ZBTB20: variants seen among roughly 807,000 people sequenced by gnomAD.
ZBTB20 encodes the protein zinc finger and BTB domain-containing protein 20.
Under a neutral mutation model 56.9 loss-of-function variants are expected in ZBTB20, and 9 were observed. That is an observed-to-expected ratio of 0.16 (90% confidence interval 0.10 to 0.28). The LOEUF (loss-of-function observed/expected upper bound fraction) is 0.28. Among genes scored for constraint, ZBTB20 ranks in the 10% least tolerant of loss-of-function variants. The pLI, the probability that ZBTB20 is intolerant of heterozygous loss-of-function variation, is 1.00. For missense variants in ZBTB20, 655 were observed against 1,003.0 expected, an observed-to-expected ratio of 0.65 and a Z score of 4.69; for synonymous variants, 417 against 420.7, an observed-to-expected ratio of 0.99 and a Z score of 0.11.
intron 6 of ZBTB20, among the ~76,000 whole-genome samples, chr3:114,587,198 T>C (rs2055270192): frequency 6.6e-6 from 1 of 151,998 alleles, no homozygotes; most frequent in Non-Finnish European, 1.5e-5. Flanking sequence ...GGTTTCACCA[T>C]GTTGGACAGG....
At chr3:114,965,397 C>A (rs1368251521) in intron 3 of ZBTB20, among the ~76,000 whole-genome samples, 2 of 151,984 alleles carry the variant, frequency 1.3e-5, no homozygotes, top group African/African-American at 4.8e-5. Flanking sequence ...CAACTTATTC[C>A]TCCTGTCTAA....
chr3:114,942,580 T>TA (rs1289025116), intron 3 of ZBTB20, among the ~76,000 whole-genome samples: 1 of 145,636 alleles, frequency 6.9e-6, no homozygotes, highest in Admixed American at 6.6e-5. Flanking sequence ...TCTACTGTGA[T>TA]AGAGTAGCTT....
chr3:114,328,108 A>C lies in ZBTB20; in HGVS notation c.*10897T>G, dbSNP rs531874629. 6 of 152,272 alleles carry C rather than the reference A, an allele frequency of 3.9e-5. No individual in the cohort carries two copies. The South Asian group carries it at 1.2e-3, about 32-fold the overall frequency. The allele number at this position is 152,272 out of a possible 1,614,324, so 9.4% of individuals were successfully genotyped here. ...ATTTAGCTCTGTTATTATTTTATTT[A>C]AGTATATATTAAGTTTATGTTTAGG... On this transcript the variant is annotated 3_prime_UTR_variant, in exon 12 of 12. Transcript: ENST00000675478.
intron 7 of ZBTB20, among the ~76,000 whole-genome samples, chr3:114,419,884 C>T (rs988268658): frequency 5.9e-5 from 9 of 151,980 alleles, no homozygotes; most frequent in Admixed American, 1.3e-4. Context: ...ATAAATTGTT[C>T]GAAGCTGGTG....
chr3:115,098,547 T>C (rs2083463124), intron 1 of ZBTB20, among the ~76,000 whole-genome samples: 1 of 152,216 alleles, frequency 6.6e-6, no homozygotes, highest in African/African-American at 2.4e-5. Flanking sequence ...TGATTGAGCG[T>C]ACTTAGTATT....
chr3:114,596,710 G>A (rs1165304077), intron 6 of ZBTB20, among the ~76,000 whole-genome samples: 1 of 152,126 alleles, frequency 6.6e-6, no homozygotes, highest in Non-Finnish European at 1.5e-5. Context: ...TCATGAAACT[G>A]AGAGAGAGGA....
chr3:114,539,120 A>C (rs2048820483), intron 6 of ZBTB20, among the ~76,000 whole-genome samples: 1 of 152,124 alleles, frequency 6.6e-6, no homozygotes, highest in Admixed American at 6.6e-5. Flanking sequence ...TTTAGTGTAT[A>C]AGTGTCCAGG....
intron 5 of ZBTB20, among the ~76,000 whole-genome samples, chr3:114,750,485 T>G (rs2067477054): frequency 6.6e-6 from 1 of 152,058 alleles, no homozygotes; most frequent in African/African-American, 2.4e-5. Flanking sequence ...TGAGAAACAC[T>G]TAGGAAGAAA....
chr3:114,671,954 A>C (rs1195255058), intron 6 of ZBTB20, among the ~76,000 whole-genome samples: 1 of 152,084 alleles, frequency 6.6e-6, no homozygotes, highest in African/African-American at 2.4e-5. Flanking sequence ...GAAAACCCCA[A>C]ATAAATCCCA....
intron 2 of ZBTB20, among the ~76,000 whole-genome samples, chr3:115,008,126 G>A (rs1410117945): frequency 1.3e-5 from 2 of 151,830 alleles, no homozygotes; most frequent in African/African-American, 2.4e-5. Flanking sequence ...CCTTATCACA[G>A]CTCTTCTATA....
chr3:114,367,626 G>T lies in ZBTB20; in HGVS notation c.199+12591C>A, dbSNP rs148103220. ...GAACTTAACAGGTTAACACTAGAAT[G>T]TAATGCTATAATATTAATAACACTC... On this transcript the variant is annotated intron_variant, in intron 10 of 11. Transcript: ENST00000675478. Among the ~76,000 whole-genome samples, 503 of 152,292 alleles carry T rather than the reference G, an allele frequency of 3.3e-3. 2 individuals carry two copies. The highest frequency in any genetic ancestry group is 0.011 in the African/African-American group (475 of 41,544).
In ZBTB20 at chr3:114,315,795, A is replaced by G. The variant is rs1449778741; in HGVS notation, c.*23210T>C. 6.6e-6 allele frequency: 1 copy of G among 152,404 alleles called. No homozygotes were observed. Among genetic ancestry groups the G allele is most frequent in the Non-Finnish European group, 1.5e-5 (1 of 68,212 alleles). The allele number at this position is 152,404 out of a possible 1,614,324, so 9.4% of individuals were successfully genotyped here. On this transcript the variant is annotated 3_prime_UTR_variant, in exon 12 of 12. Coordinates refer to ENST00000675478, the MANE Select transcript of ZBTB20 (RefSeq NM_001348800.3). ...AACTTCATTGAGAACATACATGCCC[A>G]GATATCTCTTCTGTGCACATGTATA... is the stretch of plus-strand genomic sequence containing the variant.
At chr3:114,651,053 T>C (rs1019654746) in intron 6 of ZBTB20, among the ~76,000 whole-genome samples, 1 of 152,066 alleles carries the variant, frequency 6.6e-6, no homozygotes, top group African/African-American at 2.4e-5. Context: ...CCACATGACT[T>C]GGTAAATATT....
At chr3:114,375,610 C>T (rs947444707) in intron 10 of ZBTB20, among the ~76,000 whole-genome samples, 2 of 152,216 alleles carry the variant, frequency 1.3e-5, no homozygotes, top group Non-Finnish European at 1.5e-5. Flanking sequence ...TCAAGTTGTT[C>T]TAATGGCCCC....
intron 6 of ZBTB20, among the ~76,000 whole-genome samples, chr3:114,685,341 G>A (rs2062265759): frequency 6.6e-6 from 1 of 152,146 alleles, no homozygotes; most frequent in Admixed American, 6.6e-5. Flanking sequence ...CAAGCCTCAT[G>A]ATTTCAAAGC....
intron 5 of ZBTB20, among the ~76,000 whole-genome samples, chr3:114,764,046 C>T (rs543028960): frequency 6.6e-6 from 1 of 152,142 alleles, no homozygotes; most frequent in South Asian, 2.1e-4. Flanking sequence ...TTCAAAACCC[C>T]AGTAATGAGA....
At chr3:114,475,221 G>T (rs1313572605) in intron 7 of ZBTB20, among the ~76,000 whole-genome samples, 1 of 151,678 alleles carries the variant, frequency 6.6e-6, no homozygotes, top group Non-Finnish European at 1.5e-5. Context: ...TTCTATCTCT[G>T]TATGCTCAAA....
At chr3:114,595,439 C>G (rs2056230680) in intron 6 of ZBTB20, among the ~76,000 whole-genome samples, 1 of 152,110 alleles carries the variant, frequency 6.6e-6, no homozygotes, top group South Asian at 2.1e-4. Flanking sequence ...AACAAGTCAC[C>G]TTAAAATCTA....
chr3:115,106,475 C>T (rs1180076729), intron 1 of ZBTB20, among the ~76,000 whole-genome samples: 3 of 151,872 alleles, frequency 2.0e-5, no homozygotes, highest in African/African-American at 7.3e-5. Flanking sequence ...CCTTGTGTTC[C>T]GCCTGCCTCA....
Sources: allele counts gnomAD v4.1 joint callset (sites outside exome capture counted in the v4.1 genomes callset), GRCh38; gene constraint gnomAD v4.1.1; transcripts MANE v1.5; gene names NCBI Gene and HGNC (gene_info 2026-07-23, HGNC 2026-07-21).